Variants in NKAIN3 observed in about 807,000 individuals in gnomAD.
The protein encoded by NKAIN3 is sodium/potassium transporting ATPase interacting 3.
A neutral mutation model predicts 30.2 loss-of-function variants in NKAIN3; 25 were observed. The observed-to-expected ratio is 0.83, with a 90% confidence interval of 0.60 to 1.16. The LOEUF (loss-of-function observed/expected upper bound fraction) is 1.16. Ranked by LOEUF, NKAIN3 falls within the 50% of genes most tolerant of loss-of-function variation. The pLI, the probability that NKAIN3 is intolerant of heterozygous loss-of-function variation, is 0.00. For synonymous variants in NKAIN3, 91 were observed against 89.6 expected, an observed-to-expected ratio of 1.02 and a Z score of -0.09; for missense variants, 225 against 254.1, an observed-to-expected ratio of 0.89 and a Z score of 0.78.
rs577436674 is a variant in NKAIN3 at position 62,776,119 on chromosome 8, C to T, written c.471+28990C>T. 4.6e-5 allele frequency among the ~76,000 whole-genome samples: 7 copies of T among 152,092 alleles called. No individual in the cohort carries two copies. In the East Asian group the frequency reaches 1.4e-3, roughly 29 times the overall value. On this transcript the variant is annotated intron_variant, in intron 4 of 6. Coordinates refer to ENST00000623646, the MANE Select transcript of NKAIN3 (RefSeq NM_001304533.3). The stretch of plus-strand genomic sequence containing the variant: ...TTTTTGTTTCCATTTGCATGAAATA[C>T]TTTTCTCATCACTTTGCTTTCAGTC...
intron 1 of NKAIN3, among the ~76,000 whole-genome samples, chr8:62,270,068 A>T (rs1301750013): frequency 6.6e-6 from 1 of 151,740 alleles, no homozygotes; most frequent in Non-Finnish European, 1.5e-5. Flanking sequence ...ATTGTTTTGT[A>T]ACTCAGATCA....
At chr8:62,389,165 C>T (rs1817515252) in intron 1 of NKAIN3, among the ~76,000 whole-genome samples, 1 of 152,138 alleles carries the variant, frequency 6.6e-6, no homozygotes, top group Non-Finnish European at 1.5e-5. Context: ...ATAAGAGCTG[C>T]AATGTCATAA....
At chr8:62,808,292 A>T (rs919714344) in intron 4 of NKAIN3, among the ~76,000 whole-genome samples, 7 of 152,154 alleles carry the variant, frequency 4.6e-5, no homozygotes, top group Non-Finnish European at 5.9e-5. Context: ...TGAACTCTTT[A>T]GTAGCTTTTT....
chr8:62,685,640 G>A (rs1461254498), intron 3 of NKAIN3, among the ~76,000 whole-genome samples: 1 of 152,148 alleles, frequency 6.6e-6, no homozygotes, highest in Non-Finnish European at 1.5e-5. Context: ...CATTGCTACG[G>A]ATAGTCACAG....
At chr8:62,267,506 C>T (rs1001257786) in intron 1 of NKAIN3, among the ~76,000 whole-genome samples, 2 of 152,154 alleles carry the variant, frequency 1.3e-5, no homozygotes, top group Non-Finnish European at 1.5e-5. Flanking sequence ...CTTCTCTACA[C>T]TATTATTTCA....
intron 4 of NKAIN3, among the ~76,000 whole-genome samples, chr8:62,907,494 A>G (rs1274906926): frequency 6.6e-6 from 1 of 152,174 alleles, no homozygotes; most frequent in African/African-American, 2.4e-5. Flanking sequence ...TCTCCAGGGC[A>G]TTTCAGAGGT....
chr8:62,516,651 T>G (rs1236621882), intron 1 of NKAIN3, among the ~76,000 whole-genome samples: 1 of 152,140 alleles, frequency 6.6e-6, no homozygotes, highest in Admixed American at 6.6e-5. Flanking sequence ...TCATTTTACT[T>G]AAATATCTTT....
At position 62,901,574 on chromosome 8, in the gene NKAIN3, A is replaced by G. The variant is rs561608634; in HGVS notation, c.472-16879A>G. On this transcript the variant is annotated intron_variant, in intron 4 of 6. Coordinates refer to ENST00000623646, the MANE Select transcript of NKAIN3 (RefSeq NM_001304533.3). Reference sequence around the variant, plus strand: ...TTTTGACTCTTGTGCAAGGCAGTGGAATTAGGTGTCATGCACTCCATCTGC... The same window carrying G: ...TTTTGACTCTTGTGCAAGGCAGTGGGATTAGGTGTCATGCACTCCATCTGC... Among the ~76,000 whole-genome samples the G allele has an allele frequency of 2.6e-5, 4 of 152,334 alleles. 1 individual carries two copies. In the South Asian group the frequency reaches 8.3e-4, roughly 32 times the overall value.
intron 3 of NKAIN3, among the ~76,000 whole-genome samples, chr8:62,716,648 G>A (rs1563529405): frequency 6.6e-6 from 1 of 151,910 alleles, no homozygotes; most frequent in Non-Finnish European, 1.5e-5. Context: ...TGAATCTGTG[G>A]CAGAGAGATT....
intron 1 of NKAIN3, among the ~76,000 whole-genome samples, chr8:62,280,595 A>C (rs1813145410): frequency 6.6e-6 from 1 of 152,068 alleles, no homozygotes; most frequent in Admixed American, 6.6e-5. Context: ...GGGCTATTGA[A>C]TTTTGTCAAA....
intron 1 of NKAIN3, among the ~76,000 whole-genome samples, chr8:62,480,518 A>G (rs1332825488): frequency 1.4e-5 from 2 of 140,352 alleles, no homozygotes; most frequent in African/African-American, 2.7e-5. Context: ...TTAGGAAGGA[A>G]GCAATGTTTG....
intron 1 of NKAIN3, among the ~76,000 whole-genome samples, chr8:62,274,730 T>A (rs963407070): frequency 1.1e-4 from 16 of 152,118 alleles, no homozygotes; most frequent in African/African-American, 3.6e-4. Flanking sequence ...TATCTCCTAA[T>A]GCTATCCCTC....
chr8:62,471,610 A>G (rs558009010), intron 1 of NKAIN3, among the ~76,000 whole-genome samples: 4 of 152,316 alleles, frequency 2.6e-5, no homozygotes, highest in African/African-American at 9.6e-5. Flanking sequence ...ATCAAATTTC[A>G]GCTAGTAATA....
chr8:62,269,829 A>C (rs569865824), intron 1 of NKAIN3, among the ~76,000 whole-genome samples: 5 of 152,282 alleles, frequency 3.3e-5, no homozygotes, highest in Non-Finnish European at 5.9e-5. Flanking sequence ...AAACCTCAGC[A>C]TGCATATAAT....
intron 1 of NKAIN3, chr8:62,483,482 C>T (rs960391624): frequency 6.2e-6 from 1 of 160,062 alleles, no homozygotes; most frequent in South Asian, 1.8e-4. Flanking sequence ...GGCTGGGTAA[C>T]CAATGCTGGA....
intron 4 of NKAIN3, among the ~76,000 whole-genome samples, chr8:62,783,605 C>CTTTTTT (rs386412917): frequency 4.1e-5 from 5 of 121,428 alleles, no homozygotes; most frequent in Admixed American, 9.2e-5. Context: ...GCAGAATACA[C>CTTTTTT]TTTTTTTTTT....
intron 1 of NKAIN3, among the ~76,000 whole-genome samples, chr8:62,441,524 GT>G (rs1183514763): frequency 6.6e-6 from 1 of 151,700 alleles, no homozygotes; most frequent in Admixed American, 6.6e-5. Context: ...TATCTTGTGA[GT>G]TTTAATATTA....
At chr8:62,386,625 A>G (rs1817432288) in intron 1 of NKAIN3, among the ~76,000 whole-genome samples, 1 of 152,190 alleles carries the variant, frequency 6.6e-6, no homozygotes, top group African/African-American at 2.4e-5. Context: ...TTACAACCTA[A>G]TAAGGTTATT....
chr8:62,560,626 G>C (rs192646367), intron 1 of NKAIN3, among the ~76,000 whole-genome samples: 1 of 123,258 alleles, frequency 8.1e-6, no homozygotes, highest in Non-Finnish European at 1.6e-5. Context: ...TACAACCTCC[G>C]CCTCCTGGGT....
Sources: allele counts gnomAD v4.1 joint callset (sites outside exome capture counted in the v4.1 genomes callset), GRCh38; gene constraint gnomAD v4.1.1; transcripts MANE v1.5; gene names NCBI Gene and HGNC (gene_info 2026-07-23, HGNC 2026-07-21).